Variants in HS3ST5 observed in about 807,000 individuals in gnomAD.
HS3ST5 encodes the protein heparan sulfate glucosamine 3-O-sulfotransferase 5.
HS3ST5 carries 10 observed loss-of-function variants against 25.4 expected under a neutral mutation model. That is an observed-to-expected ratio of 0.39 (90% confidence interval 0.24 to 0.67). The LOEUF is 0.67. Ranked by LOEUF, HS3ST5 falls within the 30% of genes least tolerant of loss-of-function variation. The pLI is 0.44. For missense variants in HS3ST5, 324 were observed against 420.7 expected (o/e 0.77, Z 2.01); for synonymous variants, 170 against 162.4 (o/e 1.05, Z -0.36).
intron 4 of HS3ST5, 114 bp from the exon 5 acceptor site, chr6:114,058,304 G>A: frequency 1.4e-6 from 1 of 735,280 alleles, no homozygotes; most frequent in Non-Finnish European, 2.2e-6. Context: ...TTCCCAGCCT[G>A]CTGCAATCCA....
intron 1 of HS3ST5, chr6:114,340,843 A>G (rs907093581): frequency 2.6e-5 from 4 of 152,146 alleles, no homozygotes; most frequent in Non-Finnish European, 5.9e-5. Flanking sequence ...ATTTGTCTAA[A>G]GCTCTGAAAT....
chr6:114,077,593 C>A (rs377210883), intron 3 of HS3ST5, among the ~76,000 whole-genome samples: 2 of 152,142 alleles, frequency 1.3e-5, no homozygotes, highest in South Asian at 2.1e-4. Context: ...TAGGCTCCTG[C>A]AGTTAAAGAG....
chr6:114,151,708 T>C (rs1373724325), intron 3 of HS3ST5, among the ~76,000 whole-genome samples: 4 of 152,182 alleles, frequency 2.6e-5, no homozygotes, highest in Non-Finnish European at 4.4e-5. Context: ...AATTCCAATA[T>C]ATTTAAAGCT....
At chr6:114,204,121 T>G (rs1332122229) in intron 2 of HS3ST5, among the ~76,000 whole-genome samples, 1 of 152,186 alleles carries the variant, frequency 6.6e-6, no homozygotes, top group East Asian at 1.9e-4. Flanking sequence ...AGAGATTAGC[T>G]TGTACATTTT....
chr6:114,139,539 T>G (rs1475188499), intron 3 of HS3ST5, among the ~76,000 whole-genome samples: 5 of 152,190 alleles, frequency 3.3e-5, no homozygotes, highest in Non-Finnish European at 7.3e-5. Context: ...TAAACAGAAG[T>G]TGAACTTAAT....
At chr6:114,326,118 G>A (rs532063068) in intron 1 of HS3ST5, among the ~76,000 whole-genome samples, 5 of 151,778 alleles carry the variant, frequency 3.3e-5, no homozygotes, top group Non-Finnish European at 5.9e-5. Context: ...AGGCCCACTG[G>A]GCCTGGTGGC....
rs143541817 is a variant in HS3ST5, at chr6:114,182,084, T to C, written c.-144-13622A>G. Among the ~76,000 whole-genome samples, 62 of 152,214 alleles carry C rather than the reference T, an allele frequency of 4.1e-4. No individual in the cohort carries two copies. The East Asian group carries it at 8.7e-3, about 21-fold the overall frequency. Reference sequence around the variant, plus strand: ...ATGCAAAGCCACTATTTAAAACAGATTGAGAATGTATGCAAGTCATATATA... The same window carrying C: ...ATGCAAAGCCACTATTTAAAACAGACTGAGAATGTATGCAAGTCATATATA... On this transcript the variant is annotated intron_variant, in intron 2 of 4. Coordinates refer to ENST00000312719, the MANE Select transcript of HS3ST5 (RefSeq NM_153612.4).
At chr6:114,086,107 G>T (rs969300903) in intron 3 of HS3ST5, among the ~76,000 whole-genome samples, 2 of 152,002 alleles carry the variant, frequency 1.3e-5, no homozygotes, top group African/African-American at 4.8e-5. Context: ...GCTATTAAAG[G>T]CAGTGTGGAA....
At chr6:114,319,425 A>G (rs1775875019) in intron 1 of HS3ST5, among the ~76,000 whole-genome samples, 2 of 152,076 alleles carry the variant, frequency 1.3e-5, no homozygotes, top group African/African-American at 4.8e-5. Context: ...TGTCACTGCT[A>G]TTTTCAAAGT....
chr6:114,084,226 G>T, intron 3 of HS3ST5: 1 of 1,095,966 alleles, frequency 9.1e-7, no homozygotes, highest in Non-Finnish European at 1.4e-6. Flanking sequence ...GGGAGCTGCA[G>T]ACCAGTCTTC....
intron 1 of HS3ST5, among the ~76,000 whole-genome samples, chr6:114,340,351 C>G (rs1049476631): frequency 6.6e-6 from 1 of 152,130 alleles, no homozygotes; most frequent in African/African-American, 2.4e-5. Flanking sequence ...AATGATGTTT[C>G]TATATGTTTT....
At chr6:114,271,147 A>G (rs1406414512) in intron 1 of HS3ST5, among the ~76,000 whole-genome samples, 3 of 152,044 alleles carry the variant, frequency 2.0e-5, no homozygotes, top group Non-Finnish European at 4.4e-5. Context: ...GGACAGGTCT[A>G]ATTGTTACAA....
intron 1 of HS3ST5, among the ~76,000 whole-genome samples, chr6:114,335,347 T>C (rs893819558): frequency 4.6e-5 from 7 of 151,958 alleles, no homozygotes; most frequent in Non-Finnish European, 7.4e-5. Context: ...TTAAACTTGA[T>C]CTCTTAAGTC....
At chr6:114,113,988 T>G (rs1446464027) in intron 3 of HS3ST5, among the ~76,000 whole-genome samples, 1 of 152,104 alleles carries the variant, frequency 6.6e-6, no homozygotes, top group Non-Finnish European at 1.5e-5. Flanking sequence ...ACAGGATTAG[T>G]GACAGTGATA....
intron 4 of HS3ST5, among the ~76,000 whole-genome samples, chr6:114,062,521 C>T (rs192519564): frequency 6.8e-4 from 104 of 152,232 alleles, no homozygotes; most frequent in Non-Finnish European, 1.2e-3. Context: ...TCAATGCACA[C>T]GGAATACAAA....
intron 1 of HS3ST5, among the ~76,000 whole-genome samples, chr6:114,300,150 A>C (rs981427415): frequency 1.3e-5 from 2 of 152,146 alleles, no homozygotes; most frequent in Non-Finnish European, 1.5e-5. Context: ...GAAAAGAAAA[A>C]AACCGGATTT....
At chr6:114,181,327 T>C (rs367865850) in intron 2 of HS3ST5, among the ~76,000 whole-genome samples, 2 of 152,240 alleles carry the variant, frequency 1.3e-5, no homozygotes, top group South Asian at 2.1e-4. Flanking sequence ...CATGGATATC[T>C]GATGTTGCCC....
At chr6:114,165,064 C>G (rs955114603) in intron 3 of HS3ST5, among the ~76,000 whole-genome samples, 3 of 152,086 alleles carry the variant, frequency 2.0e-5, no homozygotes, top group Non-Finnish European at 4.4e-5. Flanking sequence ...TTCAGGGATG[C>G]TGGGATGTAC....
chr6:114,201,547 G>A (rs889554108), intron 2 of HS3ST5, among the ~76,000 whole-genome samples: 15 of 152,030 alleles, frequency 9.9e-5, no homozygotes, highest in African/African-American at 2.9e-4. Context: ...ATATATGCTA[G>A]GCACCTTTCA....
Sources: allele counts gnomAD v4.1 joint callset (sites outside exome capture counted in the v4.1 genomes callset), GRCh38; gene constraint gnomAD v4.1.1; transcripts MANE v1.5; gene names NCBI Gene and HGNC (gene_info 2026-07-23, HGNC 2026-07-21).